KLHL29: variants seen among roughly 807,000 people sequenced by gnomAD.
The protein encoded by KLHL29 is kelch like family member 29, also known as kelch-like protein 29.
A neutral mutation model predicts 80.4 loss-of-function variants in KLHL29; 21 were observed. That is an observed-to-expected ratio of 0.26 (90% confidence interval 0.19 to 0.38). The LOEUF (loss-of-function observed/expected upper bound fraction) is 0.38, where lower values mean the gene tolerates loss of function less well. Among genes scored for constraint, KLHL29 ranks in the 10% least tolerant of loss-of-function variants. KLHL29 has a pLI of 1.00. For missense variants in KLHL29, 867 were observed against 1,223.9 expected, an observed-to-expected ratio of 0.71 and a Z score of 4.35; for synonymous variants, 511 against 526.8, an observed-to-expected ratio of 0.97 and a Z score of 0.41.
Position 23,696,004 on chromosome 2 carries a change from C to A in KLHL29, c.1795C>A (p.Gln599Lys), listed in dbSNP as rs2149212907. Residue 599 changes from glutamine to lysine, a missense_variant, in exon 10 of 14, where the codon CAG (glutamine) becomes AAG (lysine). Around this residue, in one of 2 missense-constraint regions of KLHL29, gnomAD observed 443 missense variants for 767.0 expected, o/e 0.58. Coordinates refer to ENST00000486442, the MANE Select transcript of KLHL29 (RefSeq NM_052920.2). This position sits in a 1 kb window ranked among gnomAD's most constrained non-coding sequence, Gnocchi z 5.5. ...VGGRQMVGMT[Q>K]RSLVAVTCWN... ...GGGCCGTCAGATGGTGGGGATGACCCAGCGCTCGCTGGTGGCCGTCACCTG... is the reference window on the plus strand; with the variant it reads ...GGGCCGTCAGATGGTGGGGATGACCAAGCGCTCGCTGGTGGCCGTCACCTG... The A allele has an allele frequency of 6.4e-7, 1 of 1,551,650 alleles. No homozygotes were observed.
chr2:23,427,988 C>T (rs1381446891), intron 1 of KLHL29, among the ~76,000 whole-genome samples: 3 of 152,206 alleles, frequency 2.0e-5, no homozygotes, highest in Admixed American at 2.0e-4. Flanking sequence ...ACAAGCGTGC[C>T]AGAGTCTGTC....
intron 2 of KLHL29, among the ~76,000 whole-genome samples, chr2:23,511,798 AC>A (rs1416726343): frequency 6.6e-6 from 1 of 151,914 alleles, no homozygotes; most frequent in Non-Finnish European, 1.5e-5. Context: ...GGCTGCAGTG[AC>A]TTTATCTCTC....
intron 1 of KLHL29, among the ~76,000 whole-genome samples, chr2:23,421,210 T>G (rs62126851): frequency 0.056 from 8,597 of 152,320 alleles, 300 homozygotes; most frequent in African/African-American, 0.092. Flanking sequence ...TCCTGGTCTG[T>G]CACATGCTAG....
chr2:23,532,097 A>AC lies in KLHL29; in HGVS notation c.-45-30049dup, dbSNP rs1251072134. Among the ~76,000 whole-genome samples, 175 of 151,414 alleles carry AC rather than the reference A, an allele frequency of 1.2e-3. 2 individuals carry two copies. Among genetic ancestry groups the AC allele is most frequent in the Non-Finnish European group, 4.4e-5 (3 of 67,854 alleles). On this transcript the variant is annotated intron_variant, in intron 2 of 13. Transcript: ENST00000486442. Reference sequence around the variant, plus strand: ...TTTCCACTGGGCCTATTCCACAACGACCCCCCACAGACCAGAACCCGCTCC... The same window carrying AC: ...TTTCCACTGGGCCTATTCCACAACGACCCCCCCACAGACCAGAACCCGCTCC...
intron 2 of KLHL29, among the ~76,000 whole-genome samples, chr2:23,543,668 G>A (rs1324475513): frequency 1.3e-5 from 2 of 152,216 alleles, no homozygotes; most frequent in Non-Finnish European, 2.9e-5. Context: ...CTGCTCCATC[G>A]GTTTCTGGGA....
rs533642856 is a variant in KLHL29 at position 23,502,424 on chromosome 2, C to T, written c.-46+26757C>T. On this transcript the variant is annotated intron_variant, in intron 2 of 13. Transcript: ENST00000486442. ...GTGGGCGGTTCTCCCGGGAGGGAGTCGGGTGTTTCAGCAGCTCTCCCCACA... is the reference window on the plus strand; with the variant it reads ...GTGGGCGGTTCTCCCGGGAGGGAGTTGGGTGTTTCAGCAGCTCTCCCCACA... 3.9e-5 allele frequency among the ~76,000 whole-genome samples: 6 copies of T among 152,322 alleles called. No homozygotes were observed. In the East Asian group the frequency reaches 7.7e-4, roughly 20 times the overall value.
chr2:23,454,010 G>A lies in KLHL29; in HGVS notation c.-153-21550G>A, dbSNP rs1440647643. On this transcript the variant is annotated intron_variant, in intron 1 of 13. Transcript: ENST00000486442. ...ACCCGGGACCCAAGGTCCGCTTGCT[G>A]ACTAAATGCCCATTAAAACAGCAAA... Among the ~76,000 whole-genome samples, 3 of 152,322 alleles carry A rather than the reference G, an allele frequency of 2.0e-5. No individual in the cohort carries two copies. In the East Asian group the frequency reaches 5.8e-4, roughly 29 times the overall value.
intron 2 of KLHL29, among the ~76,000 whole-genome samples, chr2:23,480,378 T>A (rs1375867484): frequency 6.6e-6 from 1 of 152,078 alleles, no homozygotes; most frequent in Non-Finnish European, 1.5e-5. Context: ...TCCCAGGTAC[T>A]CGGGAGGCTG....
chr2:23,418,038 T>A (rs980290684), intron 1 of KLHL29, among the ~76,000 whole-genome samples: 3 of 152,256 alleles, frequency 2.0e-5, no homozygotes, highest in African/African-American at 7.2e-5. Flanking sequence ...GTCTTGCTCA[T>A]TTCTGTCCCC....
intron 1 of KLHL29, among the ~76,000 whole-genome samples, chr2:23,460,579 G>A (rs1664182224): frequency 6.6e-6 from 1 of 152,084 alleles, no homozygotes; most frequent in Non-Finnish European, 1.5e-5. Context: ...GTAACTACAG[G>A]AGCTCAGAGG....
At chr2:23,627,218 C>A (rs976758215) in intron 3 of KLHL29, among the ~76,000 whole-genome samples, 1 of 152,204 alleles carries the variant, frequency 6.6e-6, no homozygotes, top group African/African-American at 2.4e-5. Context: ...TTCCTGAAGG[C>A]TGAAGAGCTG....
chr2:23,491,871 G>C (rs921329355), intron 2 of KLHL29, among the ~76,000 whole-genome samples: 6 of 152,132 alleles, frequency 3.9e-5, no homozygotes, highest in Non-Finnish European at 8.8e-5. Flanking sequence ...CAGTCCCCTA[G>C]TTAGAAACCT....
intron 1 of KLHL29, among the ~76,000 whole-genome samples, chr2:23,452,824 A>T (rs1013975116): frequency 6.6e-6 from 1 of 152,162 alleles, no homozygotes; most frequent in Non-Finnish European, 1.5e-5. Context: ...TGCTTTTGGA[A>T]CGTTCTTCTT....
At chr2:23,537,173 C>A (rs11678785) in intron 2 of KLHL29, among the ~76,000 whole-genome samples, 2 of 152,032 alleles carry the variant, frequency 1.3e-5, no homozygotes, top group African/African-American at 4.8e-5. Context: ...ACTGGTTGCT[C>A]TCGGGCTCTG....
chr2:23,622,808 G>A (rs1669217022), intron 3 of KLHL29, among the ~76,000 whole-genome samples: 1 of 152,226 alleles, frequency 6.6e-6, no homozygotes, highest in Non-Finnish European at 1.5e-5. Context: ...ATGGTTCTAA[G>A]TCCTTTGCAC....
intron 2 of KLHL29, among the ~76,000 whole-genome samples, chr2:23,553,748 C>G (rs1161898955): frequency 6.6e-6 from 1 of 152,234 alleles, no homozygotes; most frequent in East Asian, 1.9e-4. Flanking sequence ...GTGCCCCGTG[C>G]TGGGAGGGTC....
At chr2:23,494,795 G>A (rs998429271) in intron 2 of KLHL29, among the ~76,000 whole-genome samples, 1 of 152,120 alleles carries the variant, frequency 6.6e-6, no homozygotes, top group African/African-American at 2.4e-5. Flanking sequence ...CCCACTTCTT[G>A]GTCCTCTCCC....
At chr2:23,565,338 A>G (rs2103499182) in intron 3 of KLHL29, among the ~76,000 whole-genome samples, 1 of 152,284 alleles carries the variant, frequency 6.6e-6, no homozygotes, top group Non-Finnish European at 1.5e-5. Context: ...TGCTGGGATT[A>G]CAGACGTGAA....
rs749905554 is a variant in KLHL29, at chr2:23,703,704, C to T, written c.2300-15C>T. 6.5e-7 allele frequency: 1 copy of T among 1,531,868 alleles called. No homozygotes were observed. Among genetic ancestry groups the T allele is most frequent in the South Asian group, 1.2e-5 (1 of 83,086 alleles). 94.9% of individuals were successfully genotyped at this position (1,531,868 alleles called of 1,614,324 possible). A position where few individuals can be genotyped will look rare whatever the true frequency, so the allele number is the denominator to read the frequency against. On this transcript the variant is annotated splice_polypyrimidine_tract_variant and intron_variant, in intron 12 of 13. Coordinates refer to ENST00000486442, the MANE Select transcript of KLHL29 (RefSeq NM_052920.2). ...GACAAGCTGCCGTGACCTGCCTGCT[C>T]TGCTCTCCTCACAGACAACAAGTAT...
Sources: allele counts gnomAD v4.1 joint callset (sites outside exome capture counted in the v4.1 genomes callset), GRCh38; gene constraint gnomAD v4.1.1; regional missense constraint gnomAD v4.1.1; non-coding constraint Gnocchi (gnomAD v3.1); transcripts MANE v1.5; gene names NCBI Gene and HGNC (gene_info 2026-07-23, HGNC 2026-07-21).